The following ARHGEF37 variants were observed in gnomAD, a reference collection of about 807,000 sequenced individuals.
ARHGEF37 encodes the protein Rho guanine nucleotide exchange factor (GEF) 37.
In ARHGEF37, 55 loss-of-function variants were observed where a neutral mutation model predicts 71.1. That is an observed-to-expected ratio of 0.77 (90% CI 0.62 to 0.97). The LOEUF is 0.97. Ranked by LOEUF, ARHGEF37 falls within the 50% of genes least tolerant of loss-of-function variation. The pLI is 0.00. For synonymous variants in ARHGEF37, 327 were observed against 350.6 expected (o/e 0.93, Z 0.75); for missense variants, 765 against 836.8 (o/e 0.91, Z 1.06).
At chr5:149,599,348 C>G (rs1247215298) in intron 2 of ARHGEF37, among the ~76,000 whole-genome samples, 1 of 152,166 alleles carries the variant, frequency 6.6e-6, no homozygotes, top group African/African-American at 2.4e-5. Flanking sequence ...CCTCAGGTCT[C>G]CAACCACAGC....
intron 1 of ARHGEF37, among the ~76,000 whole-genome samples, chr5:149,590,043 A>AT (rs1335236660): frequency 6.6e-6 from 1 of 152,166 alleles, no homozygotes; most frequent in Non-Finnish European, 1.5e-5. Flanking sequence ...GATATTTTAA[A>AT]TACCTTATCC....
chr5:149,618,345 C>T, intron 6 of ARHGEF37, 39 bp downstream of exon 6: 21 of 1,612,942 alleles, frequency 1.3e-5, no homozygotes, highest in Non-Finnish European at 1.8e-5. Flanking sequence ...CATCCAGCCA[C>T]CCCCAAGGCC....
intron 1 of ARHGEF37, among the ~76,000 whole-genome samples, chr5:149,558,598 C>T (rs1046501978): frequency 6.6e-6 from 1 of 151,932 alleles, no homozygotes; most frequent in African/African-American, 2.4e-5. Context: ...TCAAGTGATC[C>T]TCCCTCCTCG....
Position 149,598,064 on chromosome 5 carries a change from G to A in ARHGEF37, c.186+109G>A, listed in dbSNP as rs1763603697. 5 of 1,336,152 alleles carry A rather than the reference G, an allele frequency of 3.7e-6. No homozygotes were observed. The South Asian group carries it at 5.9e-5, about 16-fold the overall frequency. The allele number at this position is 1,336,152 out of a possible 1,614,324, so 82.8% of individuals were successfully genotyped here. A position where few individuals can be genotyped will look rare whatever the true frequency, so the allele number is the denominator to read the frequency against. Reference sequence around the variant, plus strand: ...GGCAAGCTTGACAGAAAGGAAGCGTGGTAGATGTGAAGTCTGACAGACCTG... The same window carrying A: ...GGCAAGCTTGACAGAAAGGAAGCGTAGTAGATGTGAAGTCTGACAGACCTG... On this transcript the variant is annotated intron_variant, in intron 2 of 12. Transcript: ENST00000333677.
chr5:149,630,236 C>T (rs958559318), intron 12 of ARHGEF37, among the ~76,000 whole-genome samples: 3 of 152,130 alleles, frequency 2.0e-5, no homozygotes, highest in African/African-American at 7.2e-5. Flanking sequence ...AGGGATTTGG[C>T]TTTGCAGGGA....
intron 1 of ARHGEF37, among the ~76,000 whole-genome samples, chr5:149,588,346 G>C (rs1763300655): frequency 1.3e-5 from 2 of 152,078 alleles, no homozygotes; most frequent in Admixed American, 6.6e-5. Context: ...TGCCAGGCTG[G>C]AGTGCAGTGG....
At chr5:149,556,962 T>C (rs1464838595) in intron 1 of ARHGEF37, among the ~76,000 whole-genome samples, 1 of 152,226 alleles carries the variant, frequency 6.6e-6, no homozygotes, top group Non-Finnish European at 1.5e-5. Context: ...CAGTCTTGGA[T>C]AGTGATGCCA....
Position 149,631,984 on chromosome 5 carries a change from C to T in ARHGEF37, c.1821C>T (p.Val607=), listed in dbSNP as rs1346497788. ...GTGTCACTCCCCATGTGTTTCAGGT[C>T]ATAGCCGCGTACCCTTTTGTGGCCA... ...LVPSIPTMNQ[V]IAAYPFVARS... The change falls in exon 13 of 13, where the codon GTC becomes GTT. Residue 607 remains valine, a splice_region_variant and synonymous_variant. Transcript: ENST00000333677. 3.1e-6 allele frequency: 5 copies of T among 1,614,128 alleles called. No homozygotes were observed. Among genetic ancestry groups the T allele is most frequent in the Non-Finnish European group, 4.2e-6 (5 of 1,179,998 alleles).
At chr5:149,588,862 A>G (rs988079418) in intron 1 of ARHGEF37, among the ~76,000 whole-genome samples, 3 of 152,202 alleles carry the variant, frequency 2.0e-5, no homozygotes, top group Admixed American at 2.0e-4. Flanking sequence ...TATCTTCTGA[A>G]AGAACTTTCA....
intron 1 of ARHGEF37, among the ~76,000 whole-genome samples, chr5:149,584,359 C>T (rs1341684588): frequency 1.5e-5 from 2 of 131,290 alleles, no homozygotes; most frequent in African/African-American, 7.4e-5. Flanking sequence ...GTTTTTCCTC[C>T]AGGAAAGAGA....
At chr5:149,578,438 T>G (rs2113256360), upstream of ARHGEF37, among the ~76,000 whole-genome samples, 1 of 152,286 alleles carries the variant, frequency 6.6e-6, no homozygotes, top group Admixed American at 6.5e-5. Flanking sequence ...TGTTGTCTCT[T>G]GACTCTCAAA....
intron 1 of ARHGEF37, among the ~76,000 whole-genome samples, chr5:149,565,829 ATTTTTTTTTTTTTTTTT>A (rs201683478): frequency 7.6e-4 from 64 of 84,584 alleles, no homozygotes; most frequent in Middle Eastern, 8.5e-3. Flanking sequence ...AGAAACTCTA[ATTTTTTTTTTTTTTTTT>A]TTTTTTTTTT....
At chr5:149,563,991 C>T (rs981457546) in intron 1 of ARHGEF37, among the ~76,000 whole-genome samples, 1 of 122,730 alleles carries the variant, frequency 8.1e-6, no homozygotes, top group Non-Finnish European at 1.6e-5. Flanking sequence ...GTCACTCTGT[C>T]GGCCAGCCTG....
At position 149,609,649 on chromosome 5, in the gene ARHGEF37, G is replaced by A; in HGVS notation, c.412G>A (p.Glu138Lys). The change falls in exon 4 of 13, where the codon GAG becomes AAG. Residue 138 changes from glutamate (E) to lysine (K), a missense_variant. Glu to Lys is a moderately conservative substitution (Grantham distance 56, BLOSUM62 1). Transcript: ENST00000333677. The stretch of plus-strand genomic sequence containing the variant: ...GCTACTGGTGGACACGTACCGGAAG[G>A]AGCCGGAGCTGCAGCGGCACATCCA... ...ALLLVDTYRKEPELQRHIQGI... is the reference protein window; with the variant it reads ...ALLLVDTYRKKPELQRHIQGI... 6.2e-7 allele frequency: 1 copy of A among 1,612,876 alleles called. No individual in the cohort carries two copies. The highest frequency in any genetic ancestry group is 8.5e-7 in the Non-Finnish European group (1 of 1,180,030).
chr5:149,557,004 C>A (rs578035042), intron 1 of ARHGEF37, among the ~76,000 whole-genome samples: 3 of 152,294 alleles, frequency 2.0e-5, no homozygotes, highest in Admixed American at 6.5e-5. Context: ...AGTCCCTGTT[C>A]TCCCCCTCTG....
intron 1 of ARHGEF37, among the ~76,000 whole-genome samples, chr5:149,555,728 CA>C (rs1296917950): frequency 6.6e-6 from 1 of 152,016 alleles, no homozygotes; most frequent in Non-Finnish European, 1.5e-5. Context: ...CAACTACTAC[CA>C]AAAGAAAGAG....
chr5:149,581,434 C>A (rs747625022), upstream of ARHGEF37: 1 of 152,142 alleles, frequency 6.6e-6, no homozygotes, highest in East Asian at 1.9e-4. Context: ...GACCAGCCAC[C>A]CCCTCGCGGC....
At chr5:149,552,018 C>G (rs1353176920) in exon 1 of ARHGEF37, 2 of 152,126 alleles carry the variant, frequency 1.3e-5, no homozygotes, top group Admixed American at 1.3e-4. Flanking sequence ...GTTATAGACC[C>G]TCTTTCCACA....
At chr5:149,618,815 G>A in intron 6 of ARHGEF37, 123 bp from the exon 7 acceptor site, 1 of 768,294 alleles carries the variant, frequency 1.3e-6, no homozygotes, top group Non-Finnish European at 2.3e-6. Context: ...CTTTGGGGTT[G>A]CGAGAACCAG....
Sources: gnomAD v4.1 joint callset for allele counts (sites outside exome capture counted in the v4.1 genomes callset) on GRCh38, gnomAD v4.1.1 for gene constraint, MANE v1.5 for transcripts, NCBI Gene and HGNC (gene_info 2026-07-23, HGNC 2026-07-21) for gene names.